USP7: variants seen among roughly 807,000 people sequenced by gnomAD.
USP7 encodes ubiquitin specific peptidase 7.
USP7 carries 9 observed loss-of-function variants against 162.9 expected under a neutral mutation model. The ratio of observed to expected loss-of-function variants is 0.06; its 90% CI spans 0.03 to 0.10. The LOEUF (loss-of-function observed/expected upper bound fraction) is 0.10. USP7 is among the 10% of genes least tolerant of loss of function. USP7 has a pLI of 1.00. For synonymous variants in USP7, 562 were observed against 475.9 expected, an observed-to-expected ratio of 1.18 and a Z score of -2.35; for missense variants, 715 against 1,373.7, an observed-to-expected ratio of 0.52 and a Z score of 7.58.
chr16:8,917,357 TAAG>T (rs2078263977), intron 6 of USP7, among the ~76,000 whole-genome samples: 1 of 152,092 alleles, frequency 6.6e-6, no homozygotes, highest in African/African-American at 2.4e-5. Flanking sequence ...CTGGAAAACA[TAAG>T]AATGCAAAAA....
In USP7 at chr16:8,910,837, G is replaced by A; in HGVS notation, c.1079-10C>T. On this transcript the variant is annotated splice_polypyrimidine_tract_variant and intron_variant, in intron 10 of 30. Transcript: ENST00000344836. The stretch of plus-strand genomic sequence containing the variant: ...ACAAATGATTCAAATACTTTAAAGA[G>A]AGAGAGAGAAAAGTCAAGTGCTAAA... 1 of 1,611,310 alleles carries A rather than the reference G, an allele frequency of 6.2e-7. No homozygotes were observed. Among genetic ancestry groups the A allele is most frequent in the East Asian group, 2.2e-5 (1 of 44,856 alleles).
rs1043462467 is a variant in USP7, at chr16:8,922,163, C to G, written c.384-868G>C. 4.6e-5 allele frequency among the ~76,000 whole-genome samples: 7 copies of G among 152,310 alleles called. No homozygotes were observed. The South Asian group carries it at 1.5e-3, about 32-fold the overall frequency. Reference sequence around the variant, plus strand: ...AACTTTAACCATCCACAGGCCCTGGCTGCATCATAAAATTACCTTAAACAT... The same window carrying G: ...AACTTTAACCATCCACAGGCCCTGGGTGCATCATAAAATTACCTTAAACAT... On this transcript the variant is annotated intron_variant, in intron 3 of 30. Coordinates refer to ENST00000344836, the MANE Select transcript of USP7 (RefSeq NM_003470.3).
chr16:8,960,542 T>C (rs943635695), intron 1 of USP7, among the ~76,000 whole-genome samples: 1 of 152,134 alleles, frequency 6.6e-6, no homozygotes, highest in Admixed American at 6.5e-5. Context: ...GCCCAGGAGG[T>C]GCAGGCAGGA....
chr16:8,924,389 T>C (rs577102036), intron 2 of USP7, among the ~76,000 whole-genome samples: 43 of 152,380 alleles, frequency 2.8e-4, no homozygotes, highest in Non-Finnish European at 5.4e-4. Context: ...TTTCTGTACC[T>C]ATCTCATTAT....
At chr16:8,925,654 T>C (rs1897946198) in intron 2 of USP7, among the ~76,000 whole-genome samples, 1 of 152,210 alleles carries the variant, frequency 6.6e-6, no homozygotes, top group Admixed American at 6.5e-5. Context: ...CGCATCCGTC[T>C]CTGTGCCCCC....
chr16:8,951,029 T>C (rs969237967), intron 1 of USP7, among the ~76,000 whole-genome samples: 2 of 152,174 alleles, frequency 1.3e-5, no homozygotes, highest in South Asian at 2.1e-4. Flanking sequence ...ACAGCTCTTG[T>C]GCATTGTGTG....
At chr16:8,935,270 G>C (rs1042347706) in intron 1 of USP7, among the ~76,000 whole-genome samples, 1 of 147,842 alleles carries the variant, frequency 6.8e-6, no homozygotes, top group Non-Finnish European at 1.5e-5. Flanking sequence ...GTGTGACCTC[G>C]GCTCACTGGA....
intron 25 of USP7, 127 bp downstream of exon 25, chr16:8,898,232 AG>A (rs1442593708): frequency 1.2e-6 from 1 of 814,554 alleles, no homozygotes; most frequent in Non-Finnish European, 1.9e-6. Context: ...GGGCTCCCCC[AG>A]CCCCCATCAT....
chr16:8,920,559 T>A (rs193214843), intron 4 of USP7, 112 bp from the exon 5 acceptor site: 703 of 859,302 alleles, frequency 8.2e-4, no homozygotes, highest in African/African-American at 2.4e-3. Context: ...ACTTTTTTTT[T>A]AAATACATCC....
chr16:8,892,796 T>A lies in USP7; in HGVS notation c.*1202A>T, dbSNP rs1216293439. 6.6e-6 allele frequency: 1 copy of A among 152,142 alleles called. No individual in the cohort carries two copies. Among genetic ancestry groups the A allele is most frequent in the Non-Finnish European group, 1.5e-5 (1 of 68,024 alleles). The allele number at this position is 152,142 out of a possible 1,614,324, so 9.4% of individuals were successfully genotyped here. On this transcript the variant is annotated 3_prime_UTR_variant, in exon 31 of 31. Transcript: ENST00000344836. ...ATTATAATTTTTATAGAAAATTTTA[T>A]TCAACATACAACATTTTCCAGCAAA...
At chr16:8,921,334 T>G (rs1338316179) in intron 3 of USP7, 39 bp from the exon 4 acceptor site, 3 of 1,598,258 alleles carry the variant, frequency 1.9e-6, no homozygotes, top group Admixed American at 1.7e-5. Context: ...TTGACATTAT[T>G]TACCAGATGT....
Position 8,902,462 on chromosome 16 carries a change from A to T in USP7, c.1860T>A (p.Ile620=). The T allele has an allele frequency of 6.2e-7, 1 of 1,613,882 alleles. No homozygotes were observed. The highest frequency in any genetic ancestry group is 8.5e-7 in the Non-Finnish European group (1 of 1,179,978). The part of the protein sequence containing the change: ...SQTMGFPQDQ[I]RLWPMQARSN... ...TCCTTGCTTGCATGGGCCACAATCG[A>T]ATTTGATCTTGTGGAAATCCCTGAA... The change falls in exon 17 of 31, where the codon ATT becomes ATA. Residue 620 remains isoleucine, a synonymous_variant. Transcript: ENST00000344836.
chr16:8,909,992 G>A (rs2061919384), intron 11 of USP7, among the ~76,000 whole-genome samples: 1 of 152,172 alleles, frequency 6.6e-6, no homozygotes, highest in Non-Finnish European at 1.5e-5. Flanking sequence ...CCTAGCAGAA[G>A]AGTACATTTG....
At chr16:8,918,496 A>C (rs1381849170) in intron 6 of USP7, among the ~76,000 whole-genome samples, 1 of 152,204 alleles carries the variant, frequency 6.6e-6, no homozygotes, top group Non-Finnish European at 1.5e-5. Flanking sequence ...GGTGATTTCT[A>C]ACACAATTTT....
intron 6 of USP7, among the ~76,000 whole-genome samples, chr16:8,918,726 T>C (rs1424919945): frequency 6.6e-6 from 1 of 152,110 alleles, no homozygotes; most frequent in Non-Finnish European, 1.5e-5. Context: ...AGAGAATCAC[T>C]TGAACCCAGG....
chr16:8,915,645 C>T (rs1248932551), intron 8 of USP7, 120 bp from the exon 9 acceptor site: 7 of 865,514 alleles, frequency 8.1e-6, no homozygotes, highest in Non-Finnish European at 1.8e-6. Flanking sequence ...AAAATATGAC[C>T]TCTGGCATGC....
At chr16:8,897,840 C>T (rs1457507988) in intron 25 of USP7, among the ~76,000 whole-genome samples, 1 of 147,528 alleles carries the variant, frequency 6.8e-6, no homozygotes, top group Non-Finnish European at 1.5e-5. Flanking sequence ...TCTACGCTGT[C>T]GTGGGCTGTG....
chr16:8,936,442 T>G, intron 1 of USP7: 7 of 818,462 alleles, frequency 8.6e-6, no homozygotes, highest in Non-Finnish European at 1.2e-5. Flanking sequence ...TAGAAAGCAG[T>G]GATCTTTATA....
intron 1 of USP7, among the ~76,000 whole-genome samples, chr16:8,947,559 G>A (rs1303643671): frequency 3.3e-5 from 5 of 152,146 alleles, no homozygotes; most frequent in African/African-American, 9.7e-5. Flanking sequence ...TGTTGCCCAG[G>A]CTCGTCTCGA....
Sources: allele counts gnomAD v4.1 joint callset (sites outside exome capture counted in the v4.1 genomes callset), GRCh38; gene constraint gnomAD v4.1.1; transcripts MANE v1.5; gene names NCBI Gene and HGNC (gene_info 2026-07-23, HGNC 2026-07-21).